FAM163A: variants seen among roughly 807,000 people sequenced by gnomAD.
FAM163A encodes family with sequence similarity 163 member A.
A neutral mutation model predicts 12.0 loss-of-function variants in FAM163A; 7 were observed. The observed-to-expected ratio is 0.58, with a 90% CI of 0.33 to 1.10. The LOEUF is 1.10. Ranked by LOEUF, FAM163A falls within the 50% of genes least tolerant of loss-of-function variation. The pLI, the probability that FAM163A is intolerant of heterozygous loss-of-function variation, is 0.03. For missense variants in FAM163A, 202 were observed against 218.6 expected (o/e 0.92, Z 0.48); for synonymous variants, 101 against 91.0 (o/e 1.11, Z -0.62).
intron 1 of FAM163A, among the ~76,000 whole-genome samples, chr1:179,781,188 C>T (rs1459960385): frequency 6.6e-6 from 1 of 152,086 alleles, no homozygotes; most frequent in African/African-American, 2.4e-5. Context: ...AACAGAGTTT[C>T]TTTTTAGGGT....
intron 1 of FAM163A, among the ~76,000 whole-genome samples, chr1:179,778,134 G>A (rs1331563303): frequency 6.6e-6 from 1 of 152,198 alleles, no homozygotes; most frequent in African/African-American, 2.4e-5. Context: ...TCCTCTTTAG[G>A]TTGGGGTAAG....
intron 1 of FAM163A, among the ~76,000 whole-genome samples, chr1:179,747,985 G>C (rs1278648466): frequency 2.0e-5 from 3 of 152,088 alleles, no homozygotes; most frequent in Non-Finnish European, 4.4e-5. Flanking sequence ...AGAGGACTAG[G>C]AGGAGGGCAG....
At position 179,814,384 on chromosome 1, in the gene FAM163A, T is replaced by G; in HGVS notation, c.*195T>G. Reference sequence around the variant, plus strand: ...CCAAGACAGGGCCTGGCTCCAACTCTGTGGGCCAGAGGTGGGGGACTGCTA... The same window carrying G: ...CCAAGACAGGGCCTGGCTCCAACTCGGTGGGCCAGAGGTGGGGGACTGCTA... On this transcript the variant is annotated 3_prime_UTR_variant, in exon 5 of 5. Coordinates refer to ENST00000341785, the MANE Select transcript of FAM163A (RefSeq NM_173509.3). 1 of 719,832 alleles carries G rather than the reference T, an allele frequency of 1.4e-6. No individual in the cohort carries two copies. The highest frequency in any genetic ancestry group is 2.2e-6 in the Non-Finnish European group (1 of 462,318). 44.6% of individuals were successfully genotyped at this position (719,832 alleles called of 1,614,324 possible).
intron 1 of FAM163A, among the ~76,000 whole-genome samples, chr1:179,771,690 C>T (rs918161740): frequency 1.1e-4 from 17 of 152,098 alleles, no homozygotes; most frequent in Non-Finnish European, 5.9e-5. Context: ...TCCCCAGAGA[C>T]GGTTCACCGC....
chr1:179,777,166 T>G lies in FAM163A; in HGVS notation c.-135-30632T>G, dbSNP rs1043519737. ...TTTTTGCTGTTGTGAATAGTGCTGC[T>G]CTGAACATGCAGGTACCTGTATTTG... is the stretch of plus-strand genomic sequence containing the variant. On this transcript the variant is annotated intron_variant, in intron 1 of 4. Coordinates refer to ENST00000341785, the MANE Select transcript of FAM163A (RefSeq NM_173509.3). 1.6e-4 allele frequency among the ~76,000 whole-genome samples: 24 copies of G among 152,208 alleles called. 1 individual carries two copies. Among genetic ancestry groups the G allele is most frequent in the African/African-American group, 5.6e-4 (23 of 41,440 alleles).
At chr1:179,790,774 C>G (rs1249666771) in intron 1 of FAM163A, among the ~76,000 whole-genome samples, 1 of 127,904 alleles carries the variant, frequency 7.8e-6, no homozygotes, top group Non-Finnish European at 1.9e-5. Context: ...GCAGCTCCAG[C>G]TCAGACTGGA....
At chr1:179,762,437 T>C (rs552577906) in intron 1 of FAM163A, among the ~76,000 whole-genome samples, 1 of 152,306 alleles carries the variant, frequency 6.6e-6, no homozygotes, top group African/African-American at 2.4e-5. Context: ...TGCACAAGGC[T>C]AGATGTCTGC....
chr1:179,742,398 G>A (rs1321602697), upstream of FAM163A: 1 of 152,182 alleles, frequency 6.6e-6, no homozygotes, highest in African/African-American at 2.4e-5. Flanking sequence ...GATGTAGTGG[G>A]AACGCTCCCT....
At chr1:179,756,159 T>C (rs910230608) in intron 1 of FAM163A, among the ~76,000 whole-genome samples, 23 of 152,200 alleles carry the variant, frequency 1.5e-4, no homozygotes, top group African/African-American at 5.5e-4. Flanking sequence ...AAAGCCAGAC[T>C]GGTCCATCTG....
intron 1 of FAM163A, among the ~76,000 whole-genome samples, chr1:179,782,459 G>A (rs1008847406): frequency 2.0e-5 from 3 of 151,958 alleles, no homozygotes; most frequent in Admixed American, 1.3e-4. Flanking sequence ...CTCATTTGGC[G>A]GGCGGGAAAG....
chr1:179,799,394 G>C (rs1557963085), intron 1 of FAM163A, among the ~76,000 whole-genome samples: 1 of 152,248 alleles, frequency 6.6e-6, no homozygotes. Flanking sequence ...AGGCTGCTTT[G>C]GTAGGCCAGG....
the FAM163A span, among the ~76,000 whole-genome samples, chr1:179,736,751 A>C: frequency 6.6e-6 from 1 of 152,148 alleles, no homozygotes; most frequent in Non-Finnish European, 1.5e-5. Context: ...CAGAGGTTGC[A>C]GTGAGCAGAG....
At chr1:179,759,456 G>A (rs145847395) in intron 1 of FAM163A, among the ~76,000 whole-genome samples, 4 of 152,298 alleles carry the variant, frequency 2.6e-5, no homozygotes, top group African/African-American at 9.6e-5. Context: ...GCAAGGTCAC[G>A]TGGATGAAGG....
chr1:179,753,964 G>T (rs1685647753), intron 1 of FAM163A, among the ~76,000 whole-genome samples: 2 of 152,174 alleles, frequency 1.3e-5, no homozygotes, highest in Non-Finnish European at 2.9e-5. Context: ...GTATGCTGTT[G>T]TTTTAACTTT....
upstream of FAM163A, among the ~76,000 whole-genome samples, chr1:179,739,508 C>T (rs1254814413): frequency 6.8e-6 from 1 of 146,422 alleles, no homozygotes; most frequent in East Asian, 2.1e-4. Context: ...TTTAAACTTT[C>T]TTAAAACATT....
At chr1:179,777,268 A>G in intron 1 of FAM163A, among the ~76,000 whole-genome samples, 1 of 152,220 alleles carries the variant, frequency 6.6e-6, no homozygotes, top group East Asian at 1.9e-4. Flanking sequence ...TTTAAACATG[A>G]ATTTATGTCA....
At chr1:179,796,588 C>T (rs1000733627) in intron 1 of FAM163A, among the ~76,000 whole-genome samples, 10 of 152,188 alleles carry the variant, frequency 6.6e-5, no homozygotes, top group Non-Finnish European at 1.3e-4. Context: ...GCTTCTCACA[C>T]GCCTGTCATG....
In FAM163A at chr1:179,778,716, C is replaced by G. The variant is rs568558796; in HGVS notation, c.-135-29082C>G. ...GGATCAGTATAGCTAGACACTCAGG[C>G]TGCAAACTCAAAGGCCTGCAGTGGT... On this transcript the variant is annotated intron_variant, in intron 1 of 4. Coordinates refer to ENST00000341785, the MANE Select transcript of FAM163A (RefSeq NM_173509.3). Among the ~76,000 whole-genome samples the G allele has an allele frequency of 2.5e-3, 384 of 152,120 alleles. 1 individual carries two copies. Among genetic ancestry groups the G allele is most frequent in the African/African-American group, 8.9e-3 (369 of 41,480 alleles).
intron 1 of FAM163A, among the ~76,000 whole-genome samples, chr1:179,784,865 A>G (rs1438581532): frequency 3.9e-5 from 6 of 152,170 alleles, no homozygotes. Context: ...TTAACAAGTA[A>G]CTTTAATCCT....
Sources: allele counts gnomAD v4.1 joint callset (sites outside exome capture counted in the v4.1 genomes callset), GRCh38; gene constraint gnomAD v4.1.1; transcripts MANE v1.5; gene names NCBI Gene and HGNC (gene_info 2026-07-23, HGNC 2026-07-21).